The following BLM variants were observed in gnomAD, a reference collection of about 807,000 sequenced individuals.
BLM encodes the protein recQ-like DNA helicase BLM.
A neutral mutation model predicts 135.3 loss-of-function variants in BLM; 95 were observed. The observed-to-expected ratio is 0.70, with a 90% CI of 0.59 to 0.83. The LOEUF is 0.83. Ranked by LOEUF, BLM falls within the 40% of genes least tolerant of loss-of-function variation. BLM has a pLI of 0.00. For missense variants in BLM, 1,518 were observed against 1,663.9 expected, an observed-to-expected ratio of 0.91 and a Z score of 1.53; for synonymous variants, 520 against 589.2, an observed-to-expected ratio of 0.88 and a Z score of 1.70.
intron 5 of BLM, among the ~76,000 whole-genome samples, chr15:90,758,226 G>A (rs1895871060): frequency 6.6e-6 from 1 of 151,140 alleles, no homozygotes; most frequent in Admixed American, 6.6e-5. Context: ...GGTGGCTCAC[G>A]CCTGTAATCC....
chr15:90,767,288 TTC>T (rs1896160923), intron 10 of BLM, among the ~76,000 whole-genome samples: 1 of 152,206 alleles, frequency 6.6e-6, no homozygotes, highest in African/African-American at 2.4e-5. Context: ...AAACAACGTA[TTC>T]TCTCATATAA....
chr15:90,790,969 A>G, intron 15 of BLM, 125 bp downstream of exon 15: 1 of 956,840 alleles, frequency 1.0e-6, no homozygotes, highest in Non-Finnish European at 1.6e-6. Flanking sequence ...AGAGGAGTTT[A>G]TACAGATTGG....
intron 21 of BLM, among the ~76,000 whole-genome samples, chr15:90,812,891 G>A (rs1330928745): frequency 6.6e-6 from 1 of 152,228 alleles, no homozygotes; most frequent in Non-Finnish European, 1.5e-5. Context: ...GAGTGCGCAA[G>A]TGATCAGTAA....
At chr15:90,726,741 G>C (rs1894928736) in intron 1 of BLM, among the ~76,000 whole-genome samples, 1 of 152,216 alleles carries the variant, frequency 6.6e-6, no homozygotes, top group African/African-American at 2.4e-5. Flanking sequence ...CAGGTTCCAT[G>C]TTGCTGTGAA....
chr15:90,762,679 A>G (rs956223837), intron 7 of BLM, among the ~76,000 whole-genome samples: 5 of 152,076 alleles, frequency 3.3e-5, no homozygotes, highest in African/African-American at 1.2e-4. Flanking sequence ...AAATGAGTAG[A>G]AAACCATGAT....
chr15:90,801,300 C>T (rs1408593749), intron 17 of BLM, among the ~76,000 whole-genome samples: 2 of 151,976 alleles, frequency 1.3e-5, no homozygotes, highest in Admixed American at 6.5e-5. Context: ...ATGTAAACAA[C>T]GATTGAAATC....
chr15:90,784,892 GT>G, intron 13 of BLM, 28 bp from the exon 14 acceptor site: 1 of 1,603,708 alleles, frequency 6.2e-7, no homozygotes, highest in South Asian at 1.1e-5. Flanking sequence ...AAAAATTCTT[GT>G]TTCTCAGTAC....
intron 14 of BLM, among the ~76,000 whole-genome samples, chr15:90,789,974 C>T (rs1030087758): frequency 4.3e-5 from 6 of 139,570 alleles, no homozygotes; most frequent in South Asian, 4.5e-4. Flanking sequence ...GTCTAAGATC[C>T]GCAGTCCCTG....
chr15:90,729,028 A>G (rs1894992890), intron 1 of BLM, among the ~76,000 whole-genome samples: 1 of 151,922 alleles, frequency 6.6e-6, no homozygotes, highest in African/African-American at 2.4e-5. Context: ...TAAAAATAAC[A>G]ATAACACACG....
chr15:90,794,189 T>A lies in BLM; in HGVS notation c.3042T>A (p.His1014Gln). The A allele has an allele frequency of 6.2e-7, 1 of 1,604,898 alleles. No homozygotes were observed. The highest frequency in any genetic ancestry group is 2.3e-5 in the East Asian group (1 of 44,424). Residue 1014 changes from histidine (H) to glutamine (Q), a missense_variant, in exon 16 of 22, where the codon CAT (histidine) becomes CAA (glutamine). By Grantham distance (24) the His-to-Gln change is conservative (BLOSUM62 0). Transcript: ENST00000355112. ...TAGTGGAAAAAGATGGAAACCATCA[T>A]ACAAGAGAAACTCACTTCAATAATT... Reference protein sequence around the residue: ...LIMMEKDGNHHTRETHFNNLY... With the variant: ...LIMMEKDGNHQTRETHFNNLY...
In BLM at chr15:90,760,588, C is replaced by T. The variant is rs1555419778; in HGVS notation, c.1221-6C>T. On this transcript the variant is annotated splice_region_variant and splice_polypyrimidine_tract_variant and intron_variant, in intron 6 of 21. Coordinates refer to ENST00000355112, the MANE Select transcript of BLM (RefSeq NM_000057.4). Reference sequence around the variant, plus strand: ...TTTAATACGTTGTTCTCTTTTCTCTCTTCAGAAGGAAACTTCTAACGGAAG... The same window carrying T: ...TTTAATACGTTGTTCTCTTTTCTCTTTTCAGAAGGAAACTTCTAACGGAAG... The T allele has an allele frequency of 1.2e-6, 2 of 1,607,712 alleles. No homozygotes were observed. Among genetic ancestry groups the T allele is most frequent in the Non-Finnish European group, 1.7e-6 (2 of 1,176,596 alleles).
At chr15:90,788,981 A>G (rs1896830425) in intron 14 of BLM, among the ~76,000 whole-genome samples, 1 of 151,800 alleles carries the variant, frequency 6.6e-6, no homozygotes, top group South Asian at 2.1e-4. Context: ...AAAAAAAAAA[A>G]AAAATGATTT....
At chr15:90,809,970 C>T (rs1175493853) in intron 20 of BLM, among the ~76,000 whole-genome samples, 1 of 152,124 alleles carries the variant, frequency 6.6e-6, no homozygotes, top group African/African-American at 2.4e-5. Context: ...AGGCCCGGTT[C>T]AGTGTTCTTC....
intron 1 of BLM, among the ~76,000 whole-genome samples, chr15:90,732,521 A>C (rs1465285786): frequency 6.6e-6 from 1 of 151,950 alleles, no homozygotes; most frequent in Non-Finnish European, 1.5e-5. Flanking sequence ...ATTGGATGTA[A>C]GGAAAACAGA....
chr15:90,734,688 C>G (rs1193891086), intron 1 of BLM, among the ~76,000 whole-genome samples: 1 of 123,076 alleles, frequency 8.1e-6, no homozygotes, highest in Non-Finnish European at 1.6e-5. Flanking sequence ...CACACACACA[C>G]ACACACGCAG....
rs995080738 is a variant in BLM, at chr15:90,803,710, G to A, written c.3548G>A (p.Gly1183Asp). The A allele has an allele frequency of 4.3e-6, 7 of 1,613,868 alleles. No homozygotes were observed. Among genetic ancestry groups the A allele is most frequent in the Non-Finnish European group, 5.9e-6 (7 of 1,179,860 alleles). The change falls in exon 18 of 22, where the codon GGC becomes GAC. Residue 1183 changes from glycine (G) to aspartate (D), a missense_variant. Coordinates refer to ENST00000355112, the MANE Select transcript of BLM (RefSeq NM_000057.4). ...LGNKAQTVLN[G>D]NLKVDFMETE... is the part of the protein sequence containing the mutation. Reference sequence around the variant, plus strand: ...AATAAAGCCCAAACTGTACTAAATGGCAATTTAAAGGTATAGTATTTTTCA... The same window carrying A: ...AATAAAGCCCAAACTGTACTAAATGACAATTTAAAGGTATAGTATTTTTCA...
rs1896027157 is a variant in BLM, at chr15:90,763,020, G to C, written c.1937G>C (p.Ser646Thr). The part of the protein sequence containing the change: ...SRNLKHERFQ[S>T]LSFPHTKEMM... ...AATCTGAAACATGAGCGTTTCCAAA[G>C]TCTTAGTTTTCCTCATACAAAGGAA... The change falls in exon 8 of 22, where the codon AGT becomes ACT. Residue 646 changes from serine to threonine, a missense_variant. This residue lies in a region of BLM where 724 missense variants were observed against 756.9 expected (regional missense o/e 0.96). Transcript: ENST00000355112. The C allele has an allele frequency of 6.2e-7, 1 of 1,613,806 alleles. No homozygotes were observed.
intron 17 of BLM, among the ~76,000 whole-genome samples, chr15:90,799,618 G>A (rs1381227690): frequency 2.4e-5 from 2 of 82,908 alleles, no homozygotes; most frequent in African/African-American, 1.1e-4. Flanking sequence ...TGCCAAATAA[G>A]ATGCCTGTAA....
At chr15:90,790,260 G>A (rs999289102) in intron 14 of BLM, 1 of 304,420 alleles carries the variant, frequency 3.3e-6, no homozygotes, top group African/African-American at 2.2e-5. Flanking sequence ...TGAGCAACAC[G>A]TTGCTTGTGA....
Sources: gnomAD v4.1 joint callset for allele counts (sites outside exome capture counted in the v4.1 genomes callset) on GRCh38, gnomAD v4.1.1 for gene constraint, gnomAD v4.1.1 regional missense constraint, MANE v1.5 for transcripts, NCBI Gene and HGNC (gene_info 2026-07-23, HGNC 2026-07-21) for gene names.